Variants in SLFN12L observed in about 807,000 individuals in gnomAD.
SLFN12L encodes the protein schlafen family member 12-like.
In SLFN12L, 34 loss-of-function variants were observed where a neutral mutation model predicts 34.8. The observed-to-expected ratio is 0.98, with a 90% CI of 0.74 to 1.30. The LOEUF (loss-of-function observed/expected upper bound fraction) is 1.30, where lower values mean the gene tolerates loss of function less well. Ranked by LOEUF, SLFN12L falls within the 50% of genes most tolerant of loss-of-function variation. The probability of loss-of-function intolerance (pLI) is 0.00; values close to 1 mark genes in which losing one functional copy is unlikely to be tolerated. For missense variants in SLFN12L, 703 were observed against 696.2 expected (o/e 1.01, Z -0.11); for synonymous variants, 259 against 247.5 (o/e 1.05, Z -0.44).
At chr17:35,515,803 C>A (rs1394994673) in intron 2 of SLFN12L, among the ~76,000 whole-genome samples, 1 of 151,686 alleles carries the variant, frequency 6.6e-6, no homozygotes, top group Non-Finnish European at 1.5e-5. Context: ...ACCACCACAC[C>A]CGGCTAATTT....
rs977705272 is a variant in SLFN12L, at chr17:35,465,641, G to A, written c.*9282C>T. On this transcript the variant is annotated 3_prime_UTR_variant, in exon 5 of 5. Transcript: ENST00000628453. ...GATAAGTATTCCCTGCTGCTTGTCC[G>A]TTTAACAGCCCAGTGTTGCCTGTTC... Among the ~76,000 whole-genome samples the A allele has an allele frequency of 4.0e-5, 6 of 151,280 alleles. No homozygotes were observed. The highest frequency in any genetic ancestry group is 6.6e-5 in the Admixed American group (1 of 15,146).
chr17:35,494,901 A>AT (rs779269379), intron 2 of SLFN12L, among the ~76,000 whole-genome samples: 1 of 112,094 alleles, frequency 8.9e-6, no homozygotes, highest in Admixed American at 8.9e-5. Context: ...TTATTTATTT[A>AT]TTTATTTATT....
At chr17:35,488,378 C>G (rs1914693550) in intron 2 of SLFN12L, among the ~76,000 whole-genome samples, 1 of 152,210 alleles carries the variant, frequency 6.6e-6, no homozygotes, top group African/African-American at 2.4e-5. Context: ...GAGCGGGTTG[C>G]TCTCAGAGAG....
chr17:35,477,286 T>A (rs892218523), intron 4 of SLFN12L, among the ~76,000 whole-genome samples: 1 of 152,244 alleles, frequency 6.6e-6, no homozygotes, highest in Non-Finnish European at 1.5e-5. Flanking sequence ...ATTACATATT[T>A]AAATGTTAAA....
rs1916034580 is a variant in SLFN12L, at chr17:35,522,692, A to G, written c.-328T>C. On this transcript the variant is annotated 5_prime_UTR_variant, in exon 2 of 5. Coordinates refer to ENST00000628453, the MANE Select transcript of SLFN12L (RefSeq NM_001363830.2). ...GCCCTGACACACACCTCCCCAGTGT[A>G]GCCCCCCATGTTCACCAGCTTCTGC... The G allele has an allele frequency of 6.2e-7, 1 of 1,614,026 alleles. No homozygotes were observed. The highest frequency in any genetic ancestry group is 1.7e-5 in the Admixed American group (1 of 59,996).
At chr17:35,506,242 T>G (rs149083221) in intron 2 of SLFN12L, among the ~76,000 whole-genome samples, 2,051 of 152,316 alleles carry the variant, frequency 0.013, 49 homozygotes, top group African/African-American at 0.047. Flanking sequence ...TCATTAATAG[T>G]AATAAGTTAG....
At chr17:35,476,521 A>AAGGAAGGAAG (rs1567642755) in intron 4 of SLFN12L, among the ~76,000 whole-genome samples, 5 of 121,184 alleles carry the variant, frequency 4.1e-5, no homozygotes, top group South Asian at 2.8e-4. Flanking sequence ...AAGGAAGGAA[A>AAGGAAGGAAG]GAAGGAAGGA....
At chr17:35,490,065 G>T in intron 2 of SLFN12L, 1 of 1,606,422 alleles carries the variant, frequency 6.2e-7, no homozygotes, top group Non-Finnish European at 8.5e-7. Flanking sequence ...CTCCAAAGCG[G>T]CGCCGTAGCC....
intron 2 of SLFN12L, among the ~76,000 whole-genome samples, chr17:35,513,861 G>C (rs1163181274): frequency 1.3e-5 from 2 of 152,194 alleles, no homozygotes; most frequent in Admixed American, 6.5e-5. Flanking sequence ...CATAATTTCA[G>C]TGAAAATCAA....
In SLFN12L at chr17:35,479,802, C is replaced by A; in HGVS notation, c.480G>T (p.Gln160His). 2.5e-6 allele frequency: 4 copies of A among 1,611,518 alleles called. No homozygotes were observed. The highest frequency in any genetic ancestry group is 3.4e-6 in the Non-Finnish European group (4 of 1,178,718). ...ACAAACTGGAGCTCAACGTGGCAAT[C>A]TGCGGACCAGAGGTTTCCAAGCTCC... ...KSWSLETSGPQIATLSSSLYK... is the reference protein window; with the variant it reads ...KSWSLETSGPHIATLSSSLYK... The change falls in exon 3 of 5, where the codon CAG becomes CAT. Residue 160 changes from glutamine (Q) to histidine (H), a missense_variant. Physicochemically the swap from Gln to His is conservative, Grantham distance 24. Coordinates refer to ENST00000628453, the MANE Select transcript of SLFN12L (RefSeq NM_001363830.2).
chr17:35,523,311 C>T (rs1000864061), intron 1 of SLFN12L, among the ~76,000 whole-genome samples: 2 of 152,140 alleles, frequency 1.3e-5, no homozygotes, highest in African/African-American at 2.4e-5. Context: ...AAGATGAGTC[C>T]TATTCCCCAT....
At chr17:35,498,618 G>A (rs908033475) in intron 2 of SLFN12L, 3 of 1,611,476 alleles carry the variant, frequency 1.9e-6, no homozygotes, top group Non-Finnish European at 2.5e-6. Flanking sequence ...TAGCCAGAAG[G>A]GCGTCATTGA....
At chr17:35,514,846 G>C (rs532825781) in intron 2 of SLFN12L, 1 of 398,580 alleles carries the variant, frequency 2.5e-6, no homozygotes, top group South Asian at 2.1e-5. Flanking sequence ...GAAGCATCTG[G>C]ATCACTGGTA....
At chr17:35,536,452 T>C (rs552030742) in intron 1 of SLFN12L, among the ~76,000 whole-genome samples, 1 of 152,186 alleles carries the variant, frequency 6.6e-6, no homozygotes, top group Non-Finnish European at 1.5e-5. Context: ...TCCAACTAGA[T>C]CACAGTTTCC....
Position 35,522,548 on chromosome 17 carries a change from C to G in SLFN12L, c.-184G>C, listed in dbSNP as rs1916029680. ...CGAGCAAGACAATCACGAGGGACTG[C>G]AGCAGGGCTTCCAATGTGCTGGGTG... On this transcript the variant is annotated 5_prime_UTR_variant, in exon 2 of 5. Coordinates refer to ENST00000628453, the MANE Select transcript of SLFN12L (RefSeq NM_001363830.2). 2.0e-5 allele frequency: 32 copies of G among 1,610,626 alleles called. No individual in the cohort carries two copies. In the South Asian group the frequency reaches 3.4e-4, roughly 17 times the overall value.
intron 2 of SLFN12L, chr17:35,487,842 G>C (rs187177903): frequency 7.8e-5 from 102 of 1,304,846 alleles, no homozygotes; most frequent in Admixed American, 2.4e-4. Context: ...CATTTCTATC[G>C]GGCACTCGAC....
intron 1 of SLFN12L, among the ~76,000 whole-genome samples, chr17:35,531,700 T>G (rs1376294842): frequency 6.6e-6 from 1 of 152,198 alleles, no homozygotes; most frequent in African/African-American, 2.4e-5. Flanking sequence ...CACTGCAACC[T>G]CCATCTCGCA....
intron 2 of SLFN12L, among the ~76,000 whole-genome samples, chr17:35,485,067 C>G (rs1449873244): frequency 6.6e-6 from 1 of 152,138 alleles, no homozygotes. Context: ...TCTATAAAAT[C>G]AATAGTAATG....
intron 2 of SLFN12L, among the ~76,000 whole-genome samples, chr17:35,501,808 G>A (rs981705017): frequency 2.0e-5 from 3 of 152,134 alleles, no homozygotes; most frequent in African/African-American, 4.8e-5. Flanking sequence ...CAAAGGTATG[G>A]CACAAGGTAA....
Sources: allele counts gnomAD v4.1 joint callset (sites outside exome capture counted in the v4.1 genomes callset), GRCh38; gene constraint gnomAD v4.1.1; transcripts MANE v1.5; gene names NCBI Gene and HGNC (gene_info 2026-07-23, HGNC 2026-07-21).